The following DIAPH3 variants were observed in gnomAD, a reference collection of about 807,000 sequenced individuals.
DIAPH3 encodes the protein protein diaphanous homolog 3.
A neutral mutation model predicts 144.3 loss-of-function variants in DIAPH3; 117 were observed. The observed-to-expected ratio is 0.81, with a 90% CI of 0.70 to 0.95. The LOEUF is 0.95. DIAPH3 is among the 40% of genes least tolerant of loss of function. DIAPH3 has a pLI of 0.00. For synonymous variants in DIAPH3, 519 were observed against 488.9 expected (o/e 1.06, Z -0.81); for missense variants, 1,421 against 1,412.7 (o/e 1.01, Z -0.09).
intron 21 of DIAPH3, among the ~76,000 whole-genome samples, 200 bp from the exon 22 acceptor site, chr13:59,861,736 C>CA (rs35984400): frequency 2.6e-5 from 4 of 151,372 alleles, no homozygotes; most frequent in African/African-American, 9.7e-5. Flanking sequence ...TTATTTGTCG[C>CA]AAAAAAGGAA....
intron 2 of DIAPH3, among the ~76,000 whole-genome samples, chr13:60,132,120 T>A (rs968264081): frequency 3.9e-5 from 6 of 152,206 alleles, no homozygotes; most frequent in African/African-American, 1.4e-4. Context: ...ATACCAACAT[T>A]CTAATACAAT....
intron 18 of DIAPH3, among the ~76,000 whole-genome samples, chr13:59,922,800 A>G (rs2140294706): frequency 6.6e-6 from 1 of 152,198 alleles, no homozygotes; most frequent in East Asian, 1.9e-4. Context: ...AATGAATAGG[A>G]TATATATACT....
chr13:59,666,700 CCTT>C lies in DIAPH3; in HGVS notation c.3463_3465del (p.Lys1155del). 1 of 1,614,104 alleles carries C rather than the reference CCTT, an allele frequency of 6.2e-7. No homozygotes were observed. Reference sequence around the variant, plus strand: ...CTGTTGCTTTCTACATTACACGCTTCCTTCTTCTCAGCTGCCTTGATCCTCCCA... The same window carrying C: ...CTGTTGCTTTCTACATTACACGCTTCCTTCTCAGCTGCCTTGATCCTCCCA... On this transcript the variant is annotated inframe_deletion, in exon 28 of 28. Transcript: ENST00000400324.
rs73218523 is a variant in DIAPH3 at position 60,084,151 on chromosome 13, T to C, written c.495+9477A>G. ...ATGATTCCCATAAAAGTCAAGATGG[T>C]GATTACTTTTAGGCTAAAATATACA... On this transcript the variant is annotated intron_variant, in intron 4 of 27. Transcript: ENST00000400324. Among the ~76,000 whole-genome samples, 1,235 of 152,124 alleles carry C rather than the reference T, an allele frequency of 8.1e-3. 13 individuals carry two copies. The highest frequency in any genetic ancestry group is 0.013 in the Non-Finnish European group (881 of 68,004).
chr13:59,967,524 C>T (rs759880915), intron 17 of DIAPH3, among the ~76,000 whole-genome samples: 1 of 152,150 alleles, frequency 6.6e-6, no homozygotes, highest in Non-Finnish European at 1.5e-5. Flanking sequence ...CTTGACCAGT[C>T]CTGTCTAAGC....
chr13:60,007,039 T>C (rs1307418393), intron 9 of DIAPH3, among the ~76,000 whole-genome samples: 1 of 151,936 alleles, frequency 6.6e-6, no homozygotes, highest in Non-Finnish European at 1.5e-5. Context: ...GTTTCACAGC[T>C]CCTATCATAT....
chr13:59,862,812 G>A (rs1198347942), intron 21 of DIAPH3, among the ~76,000 whole-genome samples: 1 of 151,874 alleles, frequency 6.6e-6, no homozygotes, highest in Non-Finnish European at 1.5e-5. Context: ...ATGCATTTAT[G>A]TTTATATACT....
At chr13:59,735,750 C>T (rs1177716047) in intron 27 of DIAPH3, among the ~76,000 whole-genome samples, 1 of 152,004 alleles carries the variant, frequency 6.6e-6, no homozygotes. Flanking sequence ...TCAGTTCTGC[C>T]TAATTTCTTT....
At chr13:59,987,284 A>T (rs1594235153) in intron 12 of DIAPH3, among the ~76,000 whole-genome samples, 1 of 146,068 alleles carries the variant, frequency 6.8e-6, no homozygotes, top group East Asian at 2.2e-4. Flanking sequence ...ATGAGATCAC[A>T]TGGACACATG....
rs760971876 is a variant in DIAPH3, at chr13:59,879,325, G to A, written c.2511C>T (p.Ser837=). ...TTAGCAATACAAGTTCCAGCAACTT[G>A]CTAAAGCTTTTGCTCTTCTTTATCT... The part of the protein sequence containing the change: ...CEEIKKSKSF[S]KLLELVLLMG... Residue 837 remains serine (S), a synonymous_variant, in exon 21 of 28, where the codon AGC becomes AGT. Transcript: ENST00000400324. The A allele has an allele frequency of 1.2e-6, 2 of 1,613,868 alleles. No homozygotes were observed. The highest frequency in any genetic ancestry group is 1.7e-6 in the Non-Finnish European group (2 of 1,179,862).
chr13:59,996,790 T>C (rs913555044), intron 9 of DIAPH3, among the ~76,000 whole-genome samples: 53 of 151,950 alleles, frequency 3.5e-4, no homozygotes, highest in African/African-American at 1.3e-3. Context: ...CAAAGGAAAA[T>C]CATTAGAAGC....
Position 59,983,973 on chromosome 13 carries a change from C to A in DIAPH3, c.1362-86G>T, listed in dbSNP as rs1259679154. ...AAAACTTTTTGGCTAAGATTGATTTCAAGTTCAACAATTTATTAGTAATAT... is the reference window on the plus strand; with the variant it reads ...AAAACTTTTTGGCTAAGATTGATTTAAAGTTCAACAATTTATTAGTAATAT... On this transcript the variant is annotated intron_variant, in intron 12 of 27. Coordinates refer to ENST00000400324, the MANE Select transcript of DIAPH3 (RefSeq NM_001042517.2). 3 of 825,996 alleles carry A rather than the reference C, an allele frequency of 3.6e-6. No individual in the cohort carries two copies. The East Asian group carries it at 7.4e-5, about 20-fold the overall frequency. 51.2% of individuals were successfully genotyped at this position (825,996 alleles called of 1,614,324 possible).
chr13:60,063,573 T>C (rs1205389650), intron 4 of DIAPH3, among the ~76,000 whole-genome samples: 1 of 152,092 alleles, frequency 6.6e-6, no homozygotes, highest in Admixed American at 6.6e-5. Flanking sequence ...GACTTGAAAG[T>C]TGAAATGACT....
chr13:59,960,046 T>C (rs1010695152), intron 17 of DIAPH3, among the ~76,000 whole-genome samples: 2 of 152,174 alleles, frequency 1.3e-5, no homozygotes, highest in Non-Finnish European at 2.9e-5. Flanking sequence ...ATTTCCTCAA[T>C]GATTCACAAG....
chr13:60,064,065 T>C (rs903873240), intron 4 of DIAPH3, among the ~76,000 whole-genome samples: 2 of 152,226 alleles, frequency 1.3e-5, no homozygotes, highest in East Asian at 1.9e-4. Flanking sequence ...GGGCTTAAAA[T>C]GTTCAGTAAA....
chr13:59,900,782 C>A (rs951083230), intron 20 of DIAPH3, among the ~76,000 whole-genome samples: 2 of 152,176 alleles, frequency 1.3e-5, no homozygotes, highest in African/African-American at 4.8e-5. Flanking sequence ...CTTATACCCC[C>A]AAATGCATGC....
At chr13:59,769,300 A>G (rs752425894) in intron 27 of DIAPH3, among the ~76,000 whole-genome samples, 2 of 152,152 alleles carry the variant, frequency 1.3e-5, no homozygotes, top group Non-Finnish European at 2.9e-5. Context: ...AAAAGAAATG[A>G]GAAAACCAAA....
rs190826272 is a variant in DIAPH3, at chr13:60,079,236, C to T, written c.495+14392G>A. Reference sequence around the variant, plus strand: ...AATAAAGCATGATTTATTTAAGATTCCAGAGATAGATGTTCAATATTAGGC... The same window carrying T: ...AATAAAGCATGATTTATTTAAGATTTCAGAGATAGATGTTCAATATTAGGC... On this transcript the variant is annotated intron_variant, in intron 4 of 27. Transcript: ENST00000400324. Among the ~76,000 whole-genome samples the T allele has an allele frequency of 3.3e-3, 503 of 152,042 alleles. 2 individuals are homozygous for T. The highest frequency in any genetic ancestry group is 0.011 in the African/African-American group (463 of 41,494).
At chr13:60,086,377 C>T (rs1228961690) in intron 4 of DIAPH3, among the ~76,000 whole-genome samples, 1 of 152,034 alleles carries the variant, frequency 6.6e-6, no homozygotes, top group Non-Finnish European at 1.5e-5. Flanking sequence ...AACTGAAGTG[C>T]CAGCTAGATT....
Sources: gnomAD v4.1 joint callset for allele counts (sites outside exome capture counted in the v4.1 genomes callset) on GRCh38, gnomAD v4.1.1 for gene constraint, MANE v1.5 for transcripts, NCBI Gene and HGNC (gene_info 2026-07-23, HGNC 2026-07-21) for gene names.